Variants in DNER observed in about 807,000 individuals in gnomAD.
DNER encodes delta/notch like EGF repeat containing.
DNER carries 33 observed loss-of-function variants against 78.2 expected under a neutral mutation model. The observed-to-expected ratio is 0.42, with a 90% CI of 0.32 to 0.56. DNER has a LOEUF of 0.56. Ranked by LOEUF, DNER falls within the 20% of genes least tolerant of loss-of-function variation. The probability of loss-of-function intolerance (pLI) is 0.11; values close to 1 mark genes in which losing one functional copy is unlikely to be tolerated. For missense variants in DNER, 918 were observed against 975.3 expected, an observed-to-expected ratio of 0.94 and a Z score of 0.78; for synonymous variants, 417 against 384.8, an observed-to-expected ratio of 1.08 and a Z score of -0.98.
chr2:229,702,453 T>G (rs1160316067), intron 1 of DNER, among the ~76,000 whole-genome samples: 1 of 149,386 alleles, frequency 6.7e-6, no homozygotes, highest in Admixed American at 6.7e-5. Flanking sequence ...GGAGGATCAC[T>G]TGAGCCATAG....
intron 6 of DNER, 127 bp downstream of exon 6, chr2:229,512,656 C>T: frequency 7.5e-7 from 1 of 1,326,960 alleles, no homozygotes; most frequent in Admixed American, 2.2e-5. Flanking sequence ...CCTCACAAAT[C>T]ACCAAAAAGA....
chr2:229,404,133 A>C (rs1310151558), intron 10 of DNER, among the ~76,000 whole-genome samples: 1 of 152,122 alleles, frequency 6.6e-6, no homozygotes, highest in Admixed American at 6.5e-5. Context: ...CTCTGCAAAG[A>C]AGTGAAAAGA....
At chr2:229,515,731 C>T (rs905050220) in intron 5 of DNER, among the ~76,000 whole-genome samples, 11 of 150,912 alleles carry the variant, frequency 7.3e-5, no homozygotes, top group Admixed American at 6.6e-4. Flanking sequence ...ATCTCTACCT[C>T]CTGGGTGCAA....
chr2:229,659,411 G>C (rs1431735935), intron 1 of DNER, among the ~76,000 whole-genome samples: 1 of 152,048 alleles, frequency 6.6e-6, no homozygotes, highest in Non-Finnish European at 1.5e-5. Context: ...TATTTATATA[G>C]GACAAAACCA....
intron 1 of DNER, among the ~76,000 whole-genome samples, chr2:229,693,569 A>G (rs1351541685): frequency 6.6e-6 from 1 of 152,150 alleles, no homozygotes; most frequent in African/African-American, 2.4e-5. Context: ...AGTGATATGG[A>G]CAATGAAGTC....
chr2:229,456,124 A>G (rs1220628829), intron 7 of DNER, among the ~76,000 whole-genome samples: 1 of 152,078 alleles, frequency 6.6e-6, no homozygotes, highest in Non-Finnish European at 1.5e-5. Flanking sequence ...TACAGGAATC[A>G]TGGTGCCAGC....
chr2:229,419,204 T>C (rs1197725644), intron 8 of DNER, among the ~76,000 whole-genome samples: 1 of 152,142 alleles, frequency 6.6e-6, no homozygotes, highest in Non-Finnish European at 1.5e-5. Context: ...TACCCTCCTA[T>C]TTGCAAAACA....
chr2:229,576,148 T>G (rs746745413), intron 4 of DNER, among the ~76,000 whole-genome samples: 56 of 152,274 alleles, frequency 3.7e-4, no homozygotes, highest in African/African-American at 1.3e-3. Flanking sequence ...AAAATGACCA[T>G]GAAAAGGTGA....
At chr2:229,634,370 A>G (rs1046199183) in intron 1 of DNER, among the ~76,000 whole-genome samples, 1 of 152,110 alleles carries the variant, frequency 6.6e-6, no homozygotes, top group African/African-American at 2.4e-5. Context: ...AAATATCCCA[A>G]TAAATTCCAC....
intron 1 of DNER, among the ~76,000 whole-genome samples, chr2:229,636,120 G>A (rs575427751): frequency 4.6e-5 from 7 of 152,246 alleles, no homozygotes; most frequent in Admixed American, 3.9e-4. Flanking sequence ...CTCCTCCAAG[G>A]CATTGTTTGC....
chr2:229,531,581 A>T (rs1285465783), intron 5 of DNER, among the ~76,000 whole-genome samples: 1 of 152,234 alleles, frequency 6.6e-6, no homozygotes, highest in African/African-American at 2.4e-5. Context: ...TGCTTCAGCC[A>T]CTGTGAAAAA....
intron 12 of DNER, among the ~76,000 whole-genome samples, chr2:229,366,523 C>T (rs1692350190): frequency 6.6e-6 from 1 of 152,176 alleles, no homozygotes; most frequent in African/African-American, 2.4e-5. Context: ...TATATGTTGA[C>T]TGTTTGAAGA....
chr2:229,670,431 A>G (rs1437240488), intron 1 of DNER, among the ~76,000 whole-genome samples: 1 of 152,210 alleles, frequency 6.6e-6, no homozygotes, highest in Non-Finnish European at 1.5e-5. Flanking sequence ...CCTCGGAGGA[A>G]ACTGGTTTCC....
intron 8 of DNER, among the ~76,000 whole-genome samples, chr2:229,432,580 A>T (rs1478726207): frequency 6.6e-6 from 1 of 152,196 alleles, no homozygotes; most frequent in Non-Finnish European, 1.5e-5. Flanking sequence ...TTGACCTCTT[A>T]GTTACTAATA....
intron 7 of DNER, among the ~76,000 whole-genome samples, chr2:229,465,764 C>G (rs1694791913): frequency 6.6e-6 from 1 of 152,090 alleles, no homozygotes; most frequent in African/African-American, 2.4e-5. Context: ...CCCCAGACAA[C>G]ACCTTGGATG....
chr2:229,545,621 C>T (rs982119355), intron 5 of DNER, among the ~76,000 whole-genome samples: 1 of 152,134 alleles, frequency 6.6e-6, no homozygotes, highest in Admixed American at 6.5e-5. Context: ...GAACTTTGAC[C>T]TCAGTGACTG....
intron 6 of DNER, among the ~76,000 whole-genome samples, chr2:229,508,180 G>T (rs1695782669): frequency 6.6e-6 from 1 of 152,176 alleles, no homozygotes; most frequent in Non-Finnish European, 1.5e-5. Flanking sequence ...AAATGCTGAA[G>T]AAGATGTGAG....
chr2:229,480,731 G>T (rs1390023631), intron 6 of DNER, among the ~76,000 whole-genome samples: 9 of 152,250 alleles, frequency 5.9e-5, no homozygotes, highest in Non-Finnish European at 4.4e-5. Flanking sequence ...TAACAGAGTT[G>T]TCACACTGAA....
intron 1 of DNER, among the ~76,000 whole-genome samples, chr2:229,651,820 G>T (rs973175430): frequency 3.3e-5 from 5 of 152,158 alleles, no homozygotes; most frequent in Non-Finnish European, 4.4e-5. Flanking sequence ...AGACAAAGGA[G>T]CAACATGCAA....
Sources: gnomAD v4.1 joint callset for allele counts (sites outside exome capture counted in the v4.1 genomes callset) on GRCh38, gnomAD v4.1.1 for gene constraint, MANE v1.5 for transcripts, NCBI Gene and HGNC (gene_info 2026-07-23, HGNC 2026-07-21) for gene names.